The following HTR2C variants were observed in gnomAD, a reference collection of about 807,000 sequenced individuals.
The protein encoded by HTR2C is 5-hydroxytryptamine receptor 2C, also known as 5-hydroxytryptamine (serotonin) receptor 2C, G protein-coupled.
In HTR2C, 5 loss-of-function variants were observed where a neutral mutation model predicts 21.0. The ratio of observed to expected loss-of-function variants is 0.24; its 90% CI spans 0.12 to 0.50. HTR2C has a LOEUF of 0.50. Ranked by LOEUF, HTR2C falls within the 20% of genes least tolerant of loss-of-function variation. HTR2C has a pLI of 0.98. For synonymous variants in HTR2C, 150 were observed against 145.3 expected (o/e 1.03, Z -0.23); for missense variants, 271 against 371.2 (o/e 0.73, Z 2.22).
At chrX:114,906,562 C>T (rs782371325) in intron 5 of HTR2C, 27 bp from the exon 6 acceptor site, 2 of 1,072,340 alleles carry the variant, frequency 1.9e-6, no homozygotes, top group Admixed American at 2.5e-5. Context: ...GATGCTATAA[C>T]AACCCCCTTC....
intron 4 of HTR2C, among the ~76,000 whole-genome samples, chrX:114,750,604 C>T (rs2069752064): frequency 8.9e-6 from 1 of 111,817 alleles, no homozygotes; most frequent in Admixed American, 9.6e-5. Context: ...ATTTAATTCT[C>T]GCAAACCATA....
chrX:114,764,347 G>A (rs2069913958), intron 4 of HTR2C, among the ~76,000 whole-genome samples: 1 of 103,996 alleles, frequency 9.6e-6, no homozygotes, highest in Non-Finnish European at 2.0e-5. Flanking sequence ...GCGATGAGCC[G>A]AGATCGCACC....
chrX:114,639,878 AT>A (rs1418193696), intron 2 of HTR2C, among the ~76,000 whole-genome samples: 1 of 111,627 alleles, frequency 9.0e-6, no homozygotes, highest in African/African-American at 3.3e-5. Flanking sequence ...ATGTAAGAAG[AT>A]TAATATATTA....
At chrX:114,725,830 G>A (rs782555577) in intron 2 of HTR2C, among the ~76,000 whole-genome samples, 54 of 110,980 alleles carry the variant, frequency 4.9e-4, no homozygotes, top group Admixed American at 1.1e-3. Context: ...GCTGCTCAGG[G>A]GTCAGGGGTC....
At chrX:114,763,354 T>C (rs1483120099) in intron 4 of HTR2C, 1 of 120,908 alleles carries the variant, frequency 8.3e-6, no homozygotes, top group African/African-American at 3.2e-5. Context: ...ACCCTCAAGA[T>C]ACCAGGTGTG....
At chrX:114,612,936 TTTTATTTTA>T (rs1928799737) in intron 1 of HTR2C, among the ~76,000 whole-genome samples, 1 of 108,492 alleles carries the variant, frequency 9.2e-6, no homozygotes, top group African/African-American at 3.5e-5. Context: ...TTTTATTTTA[TTTTATTTTA>T]TTTTTTTTTT....
At chrX:114,893,009 T>A (rs2071270024) in intron 5 of HTR2C, among the ~76,000 whole-genome samples, 1 of 108,735 alleles carries the variant, frequency 9.2e-6, no homozygotes, top group Non-Finnish European at 1.9e-5. Flanking sequence ...GACTCCCGGG[T>A]TCCAGCGATT....
At chrX:114,653,018 CAAG>C (rs1331691963) in intron 2 of HTR2C, among the ~76,000 whole-genome samples, 9 of 107,998 alleles carry the variant, frequency 8.3e-5, no homozygotes, top group Non-Finnish European at 1.7e-4. Context: ...TAAACTAAAA[CAAG>C]AATTATATCA....
intron 5 of HTR2C, among the ~76,000 whole-genome samples, chrX:114,866,501 A>G (rs922872838): frequency 1.8e-5 from 2 of 110,676 alleles, no homozygotes; most frequent in Non-Finnish European, 3.8e-5. Flanking sequence ...TGAGTTAGAA[A>G]CAATCAAATT....
intron 2 of HTR2C, among the ~76,000 whole-genome samples, chrX:114,667,673 T>C (rs962543008): frequency 9.0e-6 from 1 of 111,537 alleles, no homozygotes; most frequent in African/African-American, 3.2e-5. Context: ...TGAAGTAACA[T>C]GTAAAATGAT....
intron 2 of HTR2C, among the ~76,000 whole-genome samples, chrX:114,637,888 A>C (rs1318362180): frequency 9.0e-6 from 1 of 111,701 alleles, no homozygotes; most frequent in Non-Finnish European, 1.9e-5. Flanking sequence ...AAATTCGCTA[A>C]GGGAGAGTGA....
chrX:114,766,643 G>A (rs1457248644), intron 4 of HTR2C, among the ~76,000 whole-genome samples: 12 of 111,270 alleles, frequency 1.1e-4, no homozygotes, highest in African/African-American at 2.6e-4. Context: ...TTAATTGTTC[G>A]CATTTTTCTG....
At position 114,714,738 on chromosome X, in the gene HTR2C, A is replaced by G. The variant is rs1602709933; in HGVS notation, c.-79-12120A>G. Among the ~76,000 whole-genome samples, 4 of 111,930 alleles carry G rather than the reference A, an allele frequency of 3.6e-5. No homozygotes were observed. The South Asian group carries it at 1.1e-3, about 31-fold the overall frequency. ...AAGAAAACCCAATTCACAGCATTTC[A>G]GAGCAAAAAGGGATAGAGGTCCTCT... On this transcript the variant is annotated intron_variant, in intron 2 of 5. Coordinates refer to ENST00000276198, the MANE Select transcript of HTR2C (RefSeq NM_000868.4).
rs1347070907 is a variant in HTR2C, at chrX:114,725,991, A to G, written c.-79-867A>G. 1.4e-4 allele frequency among the ~76,000 whole-genome samples: 15 copies of G among 110,600 alleles called. 1 individual carries two copies. The highest frequency in any genetic ancestry group is 2.7e-4 in the Non-Finnish European group (14 of 52,658). The stretch of plus-strand genomic sequence containing the variant: ...TTGTTTGTCTGTGCCCTGCCCCCAG[A>G]GGTGGAGCCTACAGAGGCAGGCAGG... On this transcript the variant is annotated intron_variant, in intron 2 of 5. Transcript: ENST00000276198.
chrX:114,731,144 A>G, intron 3 of HTR2C, 150 bp from the exon 4 acceptor site: 1 of 435,998 alleles, frequency 2.3e-6, no homozygotes, highest in Non-Finnish European at 4.0e-6. Flanking sequence ...GAGATTAATT[A>G]AGAGAGTAGA....
intron 1 of HTR2C, among the ~76,000 whole-genome samples, chrX:114,610,360 G>T (rs1413473014): frequency 9.0e-6 from 1 of 111,689 alleles, no homozygotes; most frequent in Admixed American, 9.5e-5. Flanking sequence ...TCTTCACAGG[G>T]TTCTTATGAC....
chrX:114,829,727 T>C (rs781904176), intron 4 of HTR2C, among the ~76,000 whole-genome samples: 1 of 111,860 alleles, frequency 8.9e-6, no homozygotes, highest in South Asian at 3.7e-4. Context: ...CATTATTTGT[T>C]GAAGGGACTG....
intron 5 of HTR2C, among the ~76,000 whole-genome samples, chrX:114,887,803 C>T (rs1183569315): frequency 1.8e-5 from 2 of 110,389 alleles, no homozygotes; most frequent in Non-Finnish European, 3.8e-5. Context: ...GGGCAAATCA[C>T]GATGTCAGGA....
intron 2 of HTR2C, among the ~76,000 whole-genome samples, chrX:114,705,160 C>A (rs1394493726): frequency 9.4e-6 from 1 of 105,904 alleles, no homozygotes. Context: ...TCAATGCCAT[C>A]CCCATCAAGC....
Sources: allele counts gnomAD v4.1 joint callset (sites outside exome capture counted in the v4.1 genomes callset), GRCh38; gene constraint gnomAD v4.1.1; transcripts MANE v1.5; gene names NCBI Gene and HGNC (gene_info 2026-07-23, HGNC 2026-07-21).